RALGPS1: variants seen among roughly 807,000 people sequenced by gnomAD.
The protein encoded by RALGPS1 is ras-specific guanine nucleotide-releasing factor RalGPS1.
In RALGPS1, 19 loss-of-function variants were observed where a neutral mutation model predicts 78.8. The ratio of observed to expected loss-of-function variants is 0.24; its 90% confidence interval spans 0.17 to 0.35. RALGPS1 has a LOEUF of 0.35. RALGPS1 is among the 10% of genes least tolerant of loss of function. The pLI, the probability that RALGPS1 is intolerant of heterozygous loss-of-function variation, is 1.00. For synonymous variants in RALGPS1, 228 were observed against 256.3 expected (o/e 0.89, Z 1.06); for missense variants, 454 against 688.3 (o/e 0.66, Z 3.81).
At chr9:127,009,441 C>A (rs1288199188) in intron 4 of RALGPS1, among the ~76,000 whole-genome samples, 3 of 152,248 alleles carry the variant, frequency 2.0e-5, no homozygotes, top group African/African-American at 7.2e-5. Flanking sequence ...CACCCTCCAC[C>A]TAACAGGGCC....
intron 14 of RALGPS1, among the ~76,000 whole-genome samples, chr9:127,210,109 T>C (rs1400980863): frequency 6.6e-6 from 1 of 152,184 alleles, no homozygotes; most frequent in Non-Finnish European, 1.5e-5. Flanking sequence ...GGAGTGCATG[T>C]GAGAGGAAAG....
chr9:127,148,810 A>G (rs1289972674), intron 8 of RALGPS1, among the ~76,000 whole-genome samples: 1 of 152,194 alleles, frequency 6.6e-6, no homozygotes, highest in Non-Finnish European at 1.5e-5. Context: ...AGTTGTTCTC[A>G]AGGCGGTTGC....
At chr9:127,070,700 G>C (rs1180653668) in intron 8 of RALGPS1, among the ~76,000 whole-genome samples, 1 of 151,770 alleles carries the variant, frequency 6.6e-6, no homozygotes, top group Non-Finnish European at 1.5e-5. Flanking sequence ...AAAATCTTTT[G>C]ATCTTTTATG....
chr9:127,181,372 A>G (rs1306516633), intron 11 of RALGPS1, among the ~76,000 whole-genome samples: 4 of 152,224 alleles, frequency 2.6e-5, no homozygotes, highest in South Asian at 2.1e-4. Flanking sequence ...GGTGGGGCCA[A>G]TGTCATCCCC....
intron 5 of RALGPS1, among the ~76,000 whole-genome samples, chr9:127,041,159 T>C (rs2047282649): frequency 6.6e-6 from 1 of 151,986 alleles, no homozygotes; most frequent in South Asian, 2.1e-4. Flanking sequence ...TGGCGTGATC[T>C]CAGATCACTG....
chr9:127,012,889 G>A (rs1436192844), intron 4 of RALGPS1, among the ~76,000 whole-genome samples: 1 of 152,126 alleles, frequency 6.6e-6, no homozygotes, highest in Non-Finnish European at 1.5e-5. Context: ...CCCCCTGCCT[G>A]GTATTTCAGG....
At chr9:126,959,249 A>G (rs2132033955) in intron 1 of RALGPS1, among the ~76,000 whole-genome samples, 1 of 151,992 alleles carries the variant, frequency 6.6e-6, no homozygotes, top group African/African-American at 2.4e-5. Context: ...TTTAATAGAG[A>G]TGGGGTTTCA....
chr9:126,962,189 T>C, intron 1 of RALGPS1, 36 bp from the exon 2 acceptor site: 1 of 1,226,500 alleles, frequency 8.2e-7, no homozygotes, highest in Non-Finnish European at 1.2e-6. Context: ...AAATTTGTTT[T>C]GAAGACTGAT....
chr9:127,026,808 C>T (rs2046000370), intron 4 of RALGPS1, among the ~76,000 whole-genome samples: 1 of 152,078 alleles, frequency 6.6e-6, no homozygotes, highest in African/African-American at 2.4e-5. Context: ...GCCCACACTG[C>T]AGGATGACAG....
At chr9:127,034,275 C>G (rs944826536) in intron 4 of RALGPS1, among the ~76,000 whole-genome samples, 156 bp from the exon 5 acceptor site, 1 of 152,196 alleles carries the variant, frequency 6.6e-6, no homozygotes, top group African/African-American at 2.4e-5. Flanking sequence ...CTGTCACCTA[C>G]AAACCCAGCC....
At chr9:127,121,069 A>T (rs2056031143) in intron 8 of RALGPS1, among the ~76,000 whole-genome samples, 1 of 152,178 alleles carries the variant, frequency 6.6e-6, no homozygotes, top group African/African-American at 2.4e-5. Flanking sequence ...CTTACTAGCC[A>T]TGTAGCCATG....
intron 5 of RALGPS1, among the ~76,000 whole-genome samples, chr9:127,036,463 C>T (rs2046873752): frequency 6.6e-6 from 1 of 152,242 alleles, no homozygotes; most frequent in African/African-American, 2.4e-5. Context: ...TCTCCTTGCA[C>T]TGTTGTTATG....
intron 11 of RALGPS1, among the ~76,000 whole-genome samples, chr9:127,179,710 AG>A (rs1460430676): frequency 6.6e-6 from 1 of 152,224 alleles, no homozygotes; most frequent in Non-Finnish European, 1.5e-5. Context: ...AAAAGCTGCC[AG>A]GGGCAAGGAT....
chr9:126,941,074 T>A (rs1336509722), intron 1 of RALGPS1, among the ~76,000 whole-genome samples: 1 of 151,934 alleles, frequency 6.6e-6, no homozygotes, highest in Admixed American at 6.6e-5. Context: ...ACATGTGTTA[T>A]AAAGATTTTA....
intron 18 of RALGPS1, chr9:127,217,181 TAG>T (rs1425455963): frequency 2.4e-6 from 3 of 1,247,572 alleles, no homozygotes; most frequent in Non-Finnish European, 3.0e-6. Flanking sequence ...AGATGTGGTG[TAG>T]CATGGCAAGG....
chr9:126,932,131 G>A (rs556626647), intron 1 of RALGPS1, among the ~76,000 whole-genome samples: 1 of 152,204 alleles, frequency 6.6e-6, no homozygotes, highest in African/African-American at 2.4e-5. Flanking sequence ...CATTGGGTCT[G>A]TGAACTTGAG....
intron 4 of RALGPS1, among the ~76,000 whole-genome samples, chr9:127,030,688 C>T (rs1182413742): frequency 6.6e-6 from 1 of 151,450 alleles, no homozygotes; most frequent in East Asian, 1.9e-4. Context: ...TGTTAAAATG[C>T]TAGCAGGAAG....
chr9:126,968,321 C>T (rs1244763655), intron 3 of RALGPS1, among the ~76,000 whole-genome samples: 1 of 152,074 alleles, frequency 6.6e-6, no homozygotes, highest in African/African-American at 2.4e-5. Flanking sequence ...TCAATTCTTA[C>T]AACAACTCAA....
At chr9:127,020,392 G>A (rs949671228) in intron 4 of RALGPS1, among the ~76,000 whole-genome samples, 1 of 152,200 alleles carries the variant, frequency 6.6e-6, no homozygotes, top group African/African-American at 2.4e-5. Context: ...AGCACATGAG[G>A]ATCAACATTA....
Sources: gnomAD v4.1 joint callset for allele counts (sites outside exome capture counted in the v4.1 genomes callset) on GRCh38, gnomAD v4.1.1 for gene constraint, MANE v1.5 for transcripts, NCBI Gene and HGNC (gene_info 2026-07-23, HGNC 2026-07-21) for gene names.